Variants in ZDHHC14 observed in about 807,000 individuals in gnomAD.
ZDHHC14 encodes palmitoyltransferase ZDHHC14.
A neutral mutation model predicts 47.7 loss-of-function variants in ZDHHC14; 16 were observed. That is an observed-to-expected ratio of 0.34 (90% confidence interval 0.23 to 0.51). ZDHHC14 has a LOEUF of 0.51. Among genes scored for constraint, ZDHHC14 ranks in the 20% least tolerant of loss-of-function variants. The pLI is 0.97. For missense variants in ZDHHC14, 515 were observed against 662.5 expected, an observed-to-expected ratio of 0.78 and a Z score of 2.44; for synonymous variants, 293 against 278.9, an observed-to-expected ratio of 1.05 and a Z score of -0.50.
At chr6:157,559,393 GC>G (rs1782618467) in intron 2 of ZDHHC14, among the ~76,000 whole-genome samples, 1 of 152,210 alleles carries the variant, frequency 6.6e-6, no homozygotes, top group Non-Finnish European at 1.5e-5. Flanking sequence ...AGCAAGTGCA[GC>G]AAAAATTCAC....
chr6:157,399,181 G>T (rs766362006), intron 1 of ZDHHC14, among the ~76,000 whole-genome samples: 11 of 138,436 alleles, frequency 7.9e-5, no homozygotes, highest in South Asian at 2.5e-4. Flanking sequence ...CTTTTTTTCC[G>T]TATCTTCATA....
At chr6:157,530,942 T>C (rs1781340888) in intron 1 of ZDHHC14, among the ~76,000 whole-genome samples, 1 of 152,198 alleles carries the variant, frequency 6.6e-6, no homozygotes, top group Non-Finnish European at 1.5e-5. Context: ...GGAAACATTG[T>C]AAAGCAAAAT....
intron 8 of ZDHHC14, among the ~76,000 whole-genome samples, chr6:157,666,925 T>C (rs768132518): frequency 1.2e-4 from 19 of 152,218 alleles, no homozygotes; most frequent in Non-Finnish European, 2.4e-4. Context: ...GGGCAGTAAA[T>C]CAGCTGTCAC....
chr6:157,457,513 TAGGAGTACACAAA>T (rs1778951232), intron 1 of ZDHHC14, among the ~76,000 whole-genome samples: 1 of 152,206 alleles, frequency 6.6e-6, no homozygotes. Context: ...TGTCAGCAAG[TAGGAGTACACAAA>T]AATGAAGTAA....
intron 1 of ZDHHC14, among the ~76,000 whole-genome samples, chr6:157,467,567 T>A (rs1032519841): frequency 7.4e-6 from 1 of 135,336 alleles, no homozygotes; most frequent in Admixed American, 7.4e-5. Flanking sequence ...TTATTTATTT[T>A]GAGATGGAGC....
chr6:157,435,104 C>T (rs1318276253), intron 1 of ZDHHC14, among the ~76,000 whole-genome samples: 1 of 152,214 alleles, frequency 6.6e-6, no homozygotes, highest in Admixed American at 6.5e-5. Flanking sequence ...ATCGCCATAG[C>T]AGTTCCTCGG....
intron 1 of ZDHHC14, among the ~76,000 whole-genome samples, chr6:157,481,054 G>A (rs957160359): frequency 2.0e-5 from 3 of 152,236 alleles, no homozygotes; most frequent in South Asian, 2.1e-4. Flanking sequence ...CTATTCAACC[G>A]AAACCATTAT....
At chr6:157,388,755 T>G (rs1777366054) in intron 1 of ZDHHC14, among the ~76,000 whole-genome samples, 1 of 152,214 alleles carries the variant, frequency 6.6e-6, no homozygotes, top group Non-Finnish European at 1.5e-5. Flanking sequence ...ATACAGAAGA[T>G]GATATGTAAC....
At chr6:157,472,902 GT>G (rs1243222940) in intron 1 of ZDHHC14, among the ~76,000 whole-genome samples, 1 of 152,178 alleles carries the variant, frequency 6.6e-6, no homozygotes, top group Non-Finnish European at 1.5e-5. Flanking sequence ...TACCAGTGCT[GT>G]GATGGACTGT....
intron 1 of ZDHHC14, among the ~76,000 whole-genome samples, chr6:157,426,564 G>A (rs931130818): frequency 2.6e-5 from 4 of 152,168 alleles, no homozygotes; most frequent in Non-Finnish European, 5.9e-5. Flanking sequence ...AGGATGTGTG[G>A]GTCTGGCACC....
At chr6:157,612,406 TC>T (rs1435825053) in intron 3 of ZDHHC14, among the ~76,000 whole-genome samples, 1 of 152,168 alleles carries the variant, frequency 6.6e-6, no homozygotes, top group Admixed American at 6.5e-5. Context: ...GACCCACCTC[TC>T]TCGGCTTGCA....
rs1312792764 is a variant in ZDHHC14, at chr6:157,677,007, G to A, written c.*3885G>A. On this transcript the variant is annotated 3_prime_UTR_variant, in exon 9 of 9. Coordinates refer to ENST00000359775, the MANE Select transcript of ZDHHC14 (RefSeq NM_024630.3). ...GACCAGGTAAGAAAAGAATAAAGGA[G>A]AACAAATATTAAATACTCTTTTCTA... The A allele has an allele frequency of 2.0e-5, 3 of 152,216 alleles. No homozygotes were observed. The highest frequency in any genetic ancestry group is 4.8e-5 in the African/African-American group (2 of 41,456). The allele number at this position is 152,216 out of a possible 1,614,324, so 9.4% of individuals were successfully genotyped here.
rs142565222 is a variant in ZDHHC14 at position 157,601,251 on chromosome 6, A to G, written c.565+8105A>G. On this transcript the variant is annotated intron_variant, in intron 3 of 8. Coordinates refer to ENST00000359775, the MANE Select transcript of ZDHHC14 (RefSeq NM_024630.3). Reference sequence around the variant, plus strand: ...AAGGAAAAAAGCTAACATTTTCTTTATAGCAAAACACTGCCATGATTTACA... The same window carrying G: ...AAGGAAAAAAGCTAACATTTTCTTTGTAGCAAAACACTGCCATGATTTACA... Among the ~76,000 whole-genome samples the G allele has an allele frequency of 8.2e-3, 1,249 of 152,380 alleles. 21 individuals are homozygous for G. The highest frequency in any genetic ancestry group is 0.029 in the African/African-American group (1,192 of 41,582).
intron 1 of ZDHHC14, among the ~76,000 whole-genome samples, chr6:157,516,025 T>G (rs1780680755): frequency 6.6e-6 from 1 of 152,168 alleles, no homozygotes; most frequent in Admixed American, 6.5e-5. Context: ...GTGCCCTCCT[T>G]TCAGCCACCA....
intron 2 of ZDHHC14, among the ~76,000 whole-genome samples, chr6:157,564,358 G>C (rs1782824227): frequency 6.6e-6 from 1 of 152,174 alleles, no homozygotes; most frequent in East Asian, 1.9e-4. Flanking sequence ...TGGGGTTGGG[G>C]GGAAGAACAT....
chr6:157,670,033 A>G (rs1778723984), intron 8 of ZDHHC14, among the ~76,000 whole-genome samples: 1 of 152,240 alleles, frequency 6.6e-6, no homozygotes, highest in African/African-American at 2.4e-5. Flanking sequence ...TGCCCTGTCA[A>G]GACTGAGCCC....
intron 1 of ZDHHC14, among the ~76,000 whole-genome samples, chr6:157,524,056 T>C (rs1376741236): frequency 6.6e-6 from 1 of 152,252 alleles, no homozygotes; most frequent in East Asian, 1.9e-4. Flanking sequence ...TAAGGGGATC[T>C]TTAGGAAATG....
chr6:157,522,789 ATTCCTCCC>A (rs1780977816), intron 1 of ZDHHC14, among the ~76,000 whole-genome samples: 1 of 6,386 alleles, frequency 1.6e-4, no homozygotes. Context: ...CTCTCTTTCC[ATTCCTCCC>A]TCCCTCCCTC....
At chr6:157,620,318 G>A (rs2114937408) in intron 3 of ZDHHC14, among the ~76,000 whole-genome samples, 1 of 152,260 alleles carries the variant, frequency 6.6e-6, no homozygotes, top group East Asian at 1.9e-4. Flanking sequence ...ATGAAGCCAT[G>A]AAGGCCTCAC....
Sources: allele counts gnomAD v4.1 joint callset (sites outside exome capture counted in the v4.1 genomes callset), GRCh38; gene constraint gnomAD v4.1.1; transcripts MANE v1.5; gene names NCBI Gene and HGNC (gene_info 2026-07-23, HGNC 2026-07-21).